Variants in LDLRAD4 observed in about 807,000 individuals in gnomAD.
LDLRAD4 encodes the protein low density lipoprotein receptor class A domain containing 4, also known as low-density lipoprotein receptor class A domain-containing protein 4.
A neutral mutation model predicts 17.0 loss-of-function variants in LDLRAD4; 5 were observed. The ratio of observed to expected loss-of-function variants is 0.29; its 90% CI spans 0.15 to 0.62. The LOEUF (loss-of-function observed/expected upper bound fraction) is 0.62. Ranked by LOEUF, LDLRAD4 falls within the 20% of genes least tolerant of loss-of-function variation. The pLI, the probability that LDLRAD4 is intolerant of heterozygous loss-of-function variation, is 0.84. For synonymous variants in LDLRAD4, 168 were observed against 171.8 expected, an observed-to-expected ratio of 0.98 and a Z score of 0.17; for missense variants, 340 against 424.7, an observed-to-expected ratio of 0.80 and a Z score of 1.75.
At chr18:13,284,805 T>A (rs906841785) in intron 1 of LDLRAD4, among the ~76,000 whole-genome samples, 11 of 152,152 alleles carry the variant, frequency 7.2e-5, no homozygotes, top group African/African-American at 2.2e-4. Context: ...TGTGCTCGAG[T>A]GTGAAACACG....
At chr18:13,223,581 A>G (rs552579633) in intron 1 of LDLRAD4, among the ~76,000 whole-genome samples, 61 of 152,236 alleles carry the variant, frequency 4.0e-4, no homozygotes, top group African/African-American at 1.3e-3. Flanking sequence ...GGGAATTTCC[A>G]TTGGAAAGTC....
chr18:13,346,013 A>G (rs1226364378), intron 1 of LDLRAD4, among the ~76,000 whole-genome samples: 1 of 152,136 alleles, frequency 6.6e-6, no homozygotes, highest in Middle Eastern at 3.4e-3. Context: ...AATGTTGTTG[A>G]TCTTTTCAAA....
At chr18:13,496,611 C>T (rs2093475525) in intron 3 of LDLRAD4, among the ~76,000 whole-genome samples, 1 of 152,168 alleles carries the variant, frequency 6.6e-6, no homozygotes, top group Non-Finnish European at 1.5e-5. Context: ...GCATCAGCAC[C>T]GAACTGGGTC....
intron 1 of LDLRAD4, among the ~76,000 whole-genome samples, chr18:13,381,211 G>C (rs1191279276): frequency 6.6e-6 from 1 of 151,770 alleles, no homozygotes; most frequent in Non-Finnish European, 1.5e-5. Flanking sequence ...CCCAGTATAG[G>C]TGTGCACAGC....
chr18:13,448,468 C>T (rs1021405740), intron 3 of LDLRAD4, among the ~76,000 whole-genome samples: 2 of 152,176 alleles, frequency 1.3e-5, no homozygotes, highest in African/African-American at 4.8e-5. Context: ...AAATCCCCAG[C>T]GCCTGCCTGG....
intron 3 of LDLRAD4, chr18:13,612,965 A>G (rs917885172): frequency 1.7e-6 from 1 of 586,070 alleles, no homozygotes; most frequent in Non-Finnish European, 3.0e-6. Context: ...GATGCATGTC[A>G]GGCTTTTTCA....
Position 13,326,657 on chromosome 18 carries a change from C to T in LDLRAD4, c.-383+48469C>T, listed in dbSNP as rs529956877. On this transcript the variant is annotated intron_variant, in intron 1 of 5. Transcript: ENST00000359446. The stretch of plus-strand genomic sequence containing the variant: ...GACCCCTGAGGCTTTCACTTTTCTG[C>T]GGGGTTTGGCTGATGCCTGATGCTC... 1.4e-4 allele frequency among the ~76,000 whole-genome samples: 21 copies of T among 152,278 alleles called. No homozygotes were observed. In the East Asian group the frequency reaches 2.5e-3, roughly 18 times the overall value.
chr18:13,340,301 G>A (rs564579152), intron 1 of LDLRAD4, among the ~76,000 whole-genome samples: 1 of 152,162 alleles, frequency 6.6e-6, no homozygotes, highest in South Asian at 2.1e-4. Context: ...GGACTTGCTG[G>A]GACATATCGT....
intron 3 of LDLRAD4, among the ~76,000 whole-genome samples, chr18:13,475,375 G>A (rs915194189): frequency 6.6e-6 from 1 of 151,702 alleles, no homozygotes; most frequent in Non-Finnish European, 1.5e-5. Flanking sequence ...AATCCTTGTG[G>A]CTCAGCCTCC....
intron 3 of LDLRAD4, among the ~76,000 whole-genome samples, chr18:13,447,915 A>G (rs1173109837): frequency 6.6e-6 from 1 of 152,220 alleles, no homozygotes; most frequent in Non-Finnish European, 1.5e-5. Context: ...AACTGGGGAA[A>G]GTCAGGGCAA....
intron 1 of LDLRAD4, among the ~76,000 whole-genome samples, chr18:13,360,384 G>T (rs970091631): frequency 6.6e-6 from 1 of 152,262 alleles, no homozygotes; most frequent in African/African-American, 2.4e-5. Flanking sequence ...GTGAGGAGAT[G>T]TGTGGTATTA....
chr18:13,275,626 T>A (rs1228215993), upstream of LDLRAD4, among the ~76,000 whole-genome samples: 3 of 152,246 alleles, frequency 2.0e-5, no homozygotes, highest in African/African-American at 4.8e-5. Context: ...TGTAATTGAT[T>A]GTTTGTAACT....
At chr18:13,414,583 C>G (rs1288004195) in intron 2 of LDLRAD4, among the ~76,000 whole-genome samples, 1 of 152,212 alleles carries the variant, frequency 6.6e-6, no homozygotes, top group Non-Finnish European at 1.5e-5. Flanking sequence ...CAGTTTCTTT[C>G]TTACTTTTGC....
intron 2 of LDLRAD4, among the ~76,000 whole-genome samples, chr18:13,412,988 G>A (rs2088523329): frequency 6.6e-6 from 1 of 152,204 alleles, no homozygotes; most frequent in Non-Finnish European, 1.5e-5. Flanking sequence ...AGGGCAGCGT[G>A]TGTGACCTGA....
At chr18:13,262,436 G>A (rs1338531837) in intron 1 of LDLRAD4, among the ~76,000 whole-genome samples, 3 of 135,288 alleles carry the variant, frequency 2.2e-5, no homozygotes, top group Admixed American at 7.2e-5. Context: ...GGCCCTGTGC[G>A]TGGAAACTGA....
At chr18:13,352,121 A>G (rs150443192) in intron 1 of LDLRAD4, among the ~76,000 whole-genome samples, 1 of 152,220 alleles carries the variant, frequency 6.6e-6, no homozygotes, top group Non-Finnish European at 1.5e-5. Flanking sequence ...TCTCAAAATA[A>G]TAAGAACTAT....
intron 3 of LDLRAD4, chr18:13,491,451 T>C (rs908861149): frequency 2.0e-5 from 3 of 152,202 alleles, no homozygotes; most frequent in Admixed American, 1.3e-4. Flanking sequence ...CGCCCTAAGA[T>C]AGACATACTT....
At chr18:13,217,898 A>G (rs28435577), upstream of LDLRAD4, 6,325 of 149,888 alleles carry the variant, frequency 0.042, 206 homozygotes, top group African/African-American at 0.073. This position sits in a 1 kb window ranked among gnomAD's most constrained non-coding sequence, Gnocchi z 4.9. Context: ...AAGTGGAAGC[A>G]GGGCGGGGAG....
intron 1 of LDLRAD4, among the ~76,000 whole-genome samples, chr18:13,224,474 C>CTTTTTTTTTT (rs10676168): frequency 2.9e-3 from 253 of 87,850 alleles, no homozygotes; most frequent in Middle Eastern, 0.012. Context: ...TTCTTTCTTT[C>CTTTTTTTTTT]TTTTTTTTTT....
Sources: allele counts gnomAD v4.1 joint callset (sites outside exome capture counted in the v4.1 genomes callset), GRCh38; gene constraint gnomAD v4.1.1; non-coding constraint Gnocchi (gnomAD v3.1); transcripts MANE v1.5; gene names NCBI Gene and HGNC (gene_info 2026-07-23, HGNC 2026-07-21).